Variants in MTG2 observed in about 807,000 individuals in gnomAD.
MTG2 encodes mitochondrial ribosome-associated GTPase 2.
A neutral mutation model predicts 28.6 loss-of-function variants in MTG2; 23 were observed. The ratio of observed to expected loss-of-function variants is 0.80; its 90% CI spans 0.58 to 1.14. The LOEUF is 1.14. Among genes scored for constraint, MTG2 ranks in the 50% most tolerant of loss-of-function variants. The pLI is 0.00. For synonymous variants in MTG2, 260 were observed against 251.8 expected (o/e 1.03, Z -0.31); for missense variants, 539 against 552.0 (o/e 0.98, Z 0.24).
In MTG2 at chr20:62,200,778, T is replaced by G; in HGVS notation, c.922T>G (p.Phe308Val). The G allele has an allele frequency of 3.1e-6, 5 of 1,613,816 alleles. No homozygotes were observed. The highest frequency in any genetic ancestry group is 4.2e-6 in the Non-Finnish European group (5 of 1,180,036). Reference sequence around the variant, plus strand: ...CATCGAGCGCTGCCGCTTTCTCTTGTTCGTGGTGGATCTTTCTCAGCCTGA... The same window carrying G: ...CATCGAGCGCTGCCGCTTTCTCTTGGTCGTGGTGGATCTTTCTCAGCCTGA... ...RHIERCRFLLFVVDLSQPEPW... is the reference protein window; with the variant it reads ...RHIERCRFLLVVVDLSQPEPW... The change falls in exon 7 of 7, where the codon TTC becomes GTC. Residue 308 changes from phenylalanine (F) to valine (V), a missense_variant. Phe to Val is a conservative substitution (Grantham distance 50). Transcript: ENST00000370823.
rs1360810219 is a variant in MTG2 at position 62,198,792 on chromosome 20, A to G, written c.627A>G (p.Gly209=). Residue 209 remains glycine, a synonymous_variant, in exon 5 of 7, where the codon GGA becomes GGG. Coordinates refer to ENST00000370823, the MANE Select transcript of MTG2 (RefSeq NM_015666.4). Reference sequence around the variant, plus strand: ...GTGCCCCTGTGACCTGTACCCCTGGACAGCCAGGACAGCAGCGAGTTCTCC... The same window carrying G: ...GTGCCCCTGTGACCTGTACCCCTGGGCAGCCAGGACAGCAGCGAGTTCTCC... ...NNRAPVTCTP[G]QPGQQRVLHL... 1 of 1,614,034 alleles carries G rather than the reference A, an allele frequency of 6.2e-7. No individual in the cohort carries two copies. Among genetic ancestry groups the G allele is most frequent in the African/African-American group, 1.3e-5 (1 of 74,952 alleles).
intron 1 of MTG2, among the ~76,000 whole-genome samples, chr20:62,186,720 G>C (rs1427684745): frequency 5.3e-5 from 8 of 151,810 alleles, no homozygotes; most frequent in African/African-American, 1.7e-4. Flanking sequence ...GTAGAGATGG[G>C]GTTTCACCAT....
chr20:62,193,294 A>G (rs769152198), intron 1 of MTG2, 122 bp from the exon 2 acceptor site: 2 of 956,710 alleles, frequency 2.1e-6, no homozygotes, highest in Non-Finnish European at 3.2e-6. Context: ...CGGATTCATC[A>G]GTTCACTTGT....
chr20:62,185,413 AAAAAAT>A (rs201488936), intron 1 of MTG2, among the ~76,000 whole-genome samples: 28,739 of 150,932 alleles, frequency 0.19, 3,039 homozygotes, highest in African/African-American at 0.28. Flanking sequence ...CTGTCTCCAA[AAAAAAT>A]AAAAATAAAA....
chr20:62,198,258 TG>T (rs1200843297), intron 4 of MTG2: 2 of 520,302 alleles, frequency 3.8e-6, no homozygotes, highest in Non-Finnish European at 6.9e-6. Context: ...CCTCCGTCTC[TG>T]ACCCCATGAG....
At chr20:62,193,854 G>A (rs76232775) in intron 2 of MTG2, 15,007 of 543,056 alleles carry the variant, frequency 0.028, 274 homozygotes, top group Non-Finnish European at 0.036. Flanking sequence ...TTGGAAAGCC[G>A]TGATACAGGC....
chr20:62,195,753 A>T, intron 2 of MTG2, 49 bp from the exon 3 acceptor site: 1 of 1,608,804 alleles, frequency 6.2e-7, no homozygotes, highest in Non-Finnish European at 8.5e-7. Flanking sequence ...GGTGTCTTGA[A>T]AGGACCTTGG....
At chr20:62,188,021 C>T (rs1319657416) in intron 1 of MTG2, among the ~76,000 whole-genome samples, 2 of 151,580 alleles carry the variant, frequency 1.3e-5, no homozygotes, top group African/African-American at 4.9e-5. Flanking sequence ...GTCCCAGCTA[C>T]TCGGGAGGCT....
intron 1 of MTG2, among the ~76,000 whole-genome samples, chr20:62,190,139 G>T (rs1235155097): frequency 6.6e-6 from 1 of 152,120 alleles, no homozygotes; most frequent in Non-Finnish European, 1.5e-5. Flanking sequence ...TTTGTGTTGT[G>T]TCTTAGTCAT....
intron 1 of MTG2, among the ~76,000 whole-genome samples, chr20:62,192,410 C>T (rs2057978312): frequency 6.6e-6 from 1 of 152,188 alleles, no homozygotes; most frequent in South Asian, 2.1e-4. Context: ...GAGCCTTTGT[C>T]CCCAGGGAGT....
At chr20:62,195,101 C>G (rs1166321223) in intron 2 of MTG2, among the ~76,000 whole-genome samples, 3 of 152,128 alleles carry the variant, frequency 2.0e-5, no homozygotes, top group Non-Finnish European at 4.4e-5. Flanking sequence ...GAGGCTGAGG[C>G]AGGAGAATGG....
intron 4 of MTG2, 106 bp from the exon 5 acceptor site, chr20:62,198,528 A>C (rs933570090): frequency 8.1e-7 from 1 of 1,236,228 alleles, no homozygotes; most frequent in African/African-American, 1.5e-5. Flanking sequence ...CCCGGGGCAC[A>C]GTCCGCTCTT....
At chr20:62,194,354 C>A (rs1296158822) in intron 2 of MTG2, among the ~76,000 whole-genome samples, 1 of 152,300 alleles carries the variant, frequency 6.6e-6, no homozygotes, top group East Asian at 1.9e-4. Flanking sequence ...GGGATGTGTG[C>A]TCAAATAGCT....
At chr20:62,189,664 CTTT>C (rs34528319) in intron 1 of MTG2, among the ~76,000 whole-genome samples, 2 of 113,648 alleles carry the variant, frequency 1.8e-5, no homozygotes, top group Non-Finnish European at 1.9e-5. Context: ...TAAACATTAA[CTTT>C]TTTTTTTTTT....
Position 62,193,643 on chromosome 20 carries a change from G to C in MTG2, c.204+19G>C. The stretch of plus-strand genomic sequence containing the variant: ...AAAGCTGGTGAGACTCCTGGAGTTA[G>C]AGCAGCTTGCCTGTCTCCTCCTCAG... On this transcript the variant is annotated intron_variant, in intron 2 of 6. Transcript: ENST00000370823. 3 of 1,591,712 alleles carry C rather than the reference G, an allele frequency of 1.9e-6. No individual in the cohort carries two copies. The South Asian group carries it at 3.4e-5, about 18-fold the overall frequency.
chr20:62,199,026 T>G, intron 5 of MTG2, 93 bp from the exon 6 acceptor site: 1 of 1,584,134 alleles, frequency 6.3e-7, no homozygotes, highest in Non-Finnish European at 8.6e-7. Context: ...CCCCCAGCCC[T>G]GAAATCCTCC....
chr20:62,196,695 CAAAA>C (rs1020054774), intron 3 of MTG2, among the ~76,000 whole-genome samples: 12 of 151,222 alleles, frequency 7.9e-5, no homozygotes, highest in East Asian at 1.9e-4. Flanking sequence ...AACAAACAAA[CAAAA>C]AAAACCCTGA....
intron 4 of MTG2, chr20:62,198,306 G>A (rs1025338269): frequency 2.5e-5 from 13 of 524,016 alleles, no homozygotes; most frequent in South Asian, 8.8e-5. Context: ...GGCACCCAGC[G>A]GGCCTGCGTC....
chr20:62,183,497 T>C (rs1269184734), intron 1 of MTG2, among the ~76,000 whole-genome samples: 3 of 152,234 alleles, frequency 2.0e-5, no homozygotes, highest in Non-Finnish European at 4.4e-5. Flanking sequence ...CATAAATATA[T>C]ACACATTTGG....
Sources: allele counts gnomAD v4.1 joint callset (sites outside exome capture counted in the v4.1 genomes callset), GRCh38; gene constraint gnomAD v4.1.1; transcripts MANE v1.5; gene names NCBI Gene and HGNC (gene_info 2026-07-23, HGNC 2026-07-21).